Variants in GRID2 observed in about 807,000 individuals in gnomAD.
The protein encoded by GRID2 is glutamate receptor ionotropic, delta-2.
In GRID2, 33 loss-of-function variants were observed where a neutral mutation model predicts 114.8. The ratio of observed to expected loss-of-function variants is 0.29; its 90% CI spans 0.22 to 0.38. The LOEUF (loss-of-function observed/expected upper bound fraction) is 0.38. Among genes scored for constraint, GRID2 ranks in the 10% least tolerant of loss-of-function variants. The pLI, the probability that GRID2 is intolerant of heterozygous loss-of-function variation, is 1.00. For missense variants in GRID2, 1,184 were observed against 1,257.7 expected (o/e 0.94, Z 0.89); for synonymous variants, 505 against 449.9 (o/e 1.12, Z -1.55).
rs565658308 is a variant in GRID2, at chr4:93,487,211, G to A, written c.1859-3428G>A. 1.1e-4 allele frequency among the ~76,000 whole-genome samples: 17 copies of A among 151,824 alleles called. No individual in the cohort carries two copies. In the South Asian group the frequency reaches 3.1e-3, roughly 28 times the overall value. On this transcript the variant is annotated intron_variant, in intron 11 of 15. Coordinates refer to ENST00000282020, the MANE Select transcript of GRID2 (RefSeq NM_001510.4). ...CTTATTTTCCTTGTAAGTTTCAACA[G>A]CTTATTTTGGTCTTTTTAAAGAACC...
intron 2 of GRID2, among the ~76,000 whole-genome samples, chr4:92,820,244 A>G (rs1741185511): frequency 6.6e-6 from 1 of 152,144 alleles, no homozygotes; most frequent in Admixed American, 6.6e-5. Flanking sequence ...TTTATGACAC[A>G]CATACTTATT....
intron 1 of GRID2, among the ~76,000 whole-genome samples, chr4:92,390,094 T>C (rs762406414): frequency 2.0e-4 from 31 of 152,032 alleles, no homozygotes; most frequent in Middle Eastern, 3.2e-3. Flanking sequence ...CAATTACAGA[T>C]GGGGATAAAT....
chr4:92,943,070 G>T lies in GRID2; in HGVS notation c.245-141925G>T, dbSNP rs865936733. Among the ~76,000 whole-genome samples, 7 of 152,136 alleles carry T rather than the reference G, an allele frequency of 4.6e-5. No homozygotes were observed. In the East Asian group the frequency reaches 1.2e-3, roughly 25 times the overall value. Reference sequence around the variant, plus strand: ...GTCTTGGAGTTGCTCTTCTCGAGGAGTATCTTTGTGGTGTTCTCTGTACTT... The same window carrying T: ...GTCTTGGAGTTGCTCTTCTCGAGGATTATCTTTGTGGTGTTCTCTGTACTT... On this transcript the variant is annotated intron_variant, in intron 2 of 15. Coordinates refer to ENST00000282020, the MANE Select transcript of GRID2 (RefSeq NM_001510.4).
chr4:93,543,509 T>C lies in GRID2; in HGVS notation c.2193+28098T>C, dbSNP rs11947068. On this transcript the variant is annotated intron_variant, in intron 13 of 15. Coordinates refer to ENST00000282020, the MANE Select transcript of GRID2 (RefSeq NM_001510.4). ...TGTTAGGTATTGTTATAAACTGGAT[T>C]GTCAGCATGAATGAGTGAAAATAAA... 5.4e-3 allele frequency among the ~76,000 whole-genome samples: 822 copies of C among 152,296 alleles called. 9 individuals are homozygous for C. The highest frequency in any genetic ancestry group is 0.019 in the African/African-American group (804 of 41,548).
At chr4:93,503,473 C>A in intron 12 of GRID2, among the ~76,000 whole-genome samples, 1 of 106,144 alleles carries the variant, frequency 9.4e-6, no homozygotes, top group African/African-American at 3.6e-5. Context: ...TATCCCTCTC[C>A]CCTCCCCCCA....
intron 2 of GRID2, among the ~76,000 whole-genome samples, chr4:92,778,875 A>G (rs1467424693): frequency 1.3e-5 from 2 of 152,080 alleles, no homozygotes; most frequent in African/African-American, 2.4e-5. Flanking sequence ...AAGATAATCT[A>G]TTATAACTCT....
At chr4:92,974,800 G>T (rs1578649812) in intron 2 of GRID2, among the ~76,000 whole-genome samples, 1 of 152,016 alleles carries the variant, frequency 6.6e-6, no homozygotes, top group Admixed American at 6.6e-5. Flanking sequence ...AAAACTGCAC[G>T]TTCTGCACAT....
intron 8 of GRID2, chr4:93,282,240 A>G: frequency 3.6e-6 from 1 of 274,458 alleles, no homozygotes; most frequent in Non-Finnish European, 7.3e-6. Context: ...CTTGGCAGCA[A>G]AATGTTAACT....
chr4:92,510,598 G>A (rs1724195270), intron 1 of GRID2, among the ~76,000 whole-genome samples: 1 of 151,720 alleles, frequency 6.6e-6, no homozygotes, highest in Admixed American at 6.6e-5. Context: ...GATGGAGAGA[G>A]GGTGAGTACA....
At chr4:93,180,968 C>G (rs1046662756) in intron 4 of GRID2, among the ~76,000 whole-genome samples, 12 of 152,164 alleles carry the variant, frequency 7.9e-5, no homozygotes, top group Non-Finnish European at 1.6e-4. Flanking sequence ...GACATGCTCT[C>G]ATGAATCATG....
intron 4 of GRID2, among the ~76,000 whole-genome samples, chr4:93,170,076 T>A (rs1218851094): frequency 3.3e-5 from 5 of 152,116 alleles, no homozygotes; most frequent in Non-Finnish European, 2.9e-5. Context: ...AAACTTCACA[T>A]CATCACATAA....
intron 8 of GRID2, among the ~76,000 whole-genome samples, chr4:93,365,350 G>T (rs1050179834): frequency 6.6e-6 from 1 of 152,082 alleles, no homozygotes; most frequent in Non-Finnish European, 1.5e-5. Flanking sequence ...TTCTTTCTCA[G>T]ACCTAGAGTT....
intron 8 of GRID2, among the ~76,000 whole-genome samples, chr4:93,244,441 T>C (rs1305016273): frequency 6.6e-6 from 1 of 150,438 alleles, no homozygotes; most frequent in Non-Finnish European, 1.5e-5. Flanking sequence ...TTTGTGTTCT[T>C]GGGCAAACCT....
Position 92,611,748 on chromosome 4 carries a change from ATGATTAGTGACAT to A in GRID2, c.244+21466_244+21478del, listed in dbSNP as rs1380618682. Reference sequence around the variant, plus strand: ...TATTGTTTTACTTTGTATTTCTCTAATGATTAGTGACATTGAGTATCTTTTTACTGACATCTGT... The same window carrying A: ...TATTGTTTTACTTTGTATTTCTCTAATGAGTATCTTTTTACTGACATCTGT... On this transcript the variant is annotated intron_variant, in intron 2 of 15. Coordinates refer to ENST00000282020, the MANE Select transcript of GRID2 (RefSeq NM_001510.4). 2.0e-5 allele frequency among the ~76,000 whole-genome samples: 3 copies of A among 151,670 alleles called. No homozygotes were observed. The East Asian group carries it at 5.9e-4, about 30-fold the overall frequency.
At chr4:92,938,452 A>G (rs1279466329) in intron 2 of GRID2, among the ~76,000 whole-genome samples, 1 of 146,794 alleles carries the variant, frequency 6.8e-6, no homozygotes, top group East Asian at 2.2e-4. Flanking sequence ...TTTTCCAAGT[A>G]TGGCCTACTA....
intron 2 of GRID2, among the ~76,000 whole-genome samples, chr4:93,058,916 T>C (rs138244470): frequency 1.3e-3 from 204 of 152,200 alleles, no homozygotes; most frequent in African/African-American, 4.6e-3. Context: ...TGGTTGCCTT[T>C]GTATCAGAAT....
intron 2 of GRID2, among the ~76,000 whole-genome samples, chr4:92,647,606 T>G (rs1352299107): frequency 1.3e-5 from 2 of 149,648 alleles, no homozygotes; most frequent in African/African-American, 2.5e-5. Context: ...AAATACATAT[T>G]TTCTGCAGAA....
At chr4:92,602,277 T>G (rs1322537169) in intron 2 of GRID2, among the ~76,000 whole-genome samples, 3 of 150,976 alleles carry the variant, frequency 2.0e-5, no homozygotes. Flanking sequence ...CCAGTATCCC[T>G]GATGAACATC....
At chr4:92,728,386 G>A (rs565316352) in intron 2 of GRID2, among the ~76,000 whole-genome samples, 1 of 152,174 alleles carries the variant, frequency 6.6e-6, no homozygotes, top group African/African-American at 2.4e-5. Flanking sequence ...CAGTCAAGTG[G>A]TTTCATCTGA....
Sources: gnomAD v4.1 joint callset for allele counts (sites outside exome capture counted in the v4.1 genomes callset) on GRCh38, gnomAD v4.1.1 for gene constraint, MANE v1.5 for transcripts, NCBI Gene and HGNC (gene_info 2026-07-23, HGNC 2026-07-21) for gene names.